The following HCN1 variants were observed in gnomAD, a reference collection of about 807,000 sequenced individuals.
The protein encoded by HCN1 is hyperpolarization activated cyclic nucleotide gated potassium channel 1, also known as potassium/sodium hyperpolarization-activated cyclic nucleotide-gated channel 1.
In HCN1, 13 loss-of-function variants were observed where a neutral mutation model predicts 78.9. That is an observed-to-expected ratio of 0.16 (90% CI 0.11 to 0.26). The LOEUF (loss-of-function observed/expected upper bound fraction) is 0.26. Ranked by LOEUF, HCN1 falls within the 10% of genes least tolerant of loss-of-function variation. HCN1 has a pLI of 1.00. For synonymous variants in HCN1, 552 were observed against 455.5 expected (o/e 1.21, Z -2.70); for missense variants, 810 against 1,154.3 (o/e 0.70, Z 4.32).
chr5:45,372,698 T>C (rs1157343422), intron 4 of HCN1, among the ~76,000 whole-genome samples: 1 of 142,360 alleles, frequency 7.0e-6, no homozygotes, highest in East Asian at 2.1e-4. Context: ...TATAAAAATA[T>C]ATACGTATTT....
At chr5:45,681,019 C>T (rs972164936) in intron 1 of HCN1, among the ~76,000 whole-genome samples, 1 of 152,048 alleles carries the variant, frequency 6.6e-6, no homozygotes, top group Non-Finnish European at 1.5e-5. Context: ...TTTTTCCAGG[C>T]TCTTCAGATA....
At chr5:45,545,602 T>C (rs921633051) in intron 2 of HCN1, among the ~76,000 whole-genome samples, 14 of 152,200 alleles carry the variant, frequency 9.2e-5, no homozygotes, top group Non-Finnish European at 1.8e-4. Flanking sequence ...AAATCTTTAA[T>C]CCATCTTGAA....
At chr5:45,427,388 T>G (rs968204214) in intron 3 of HCN1, among the ~76,000 whole-genome samples, 1 of 152,144 alleles carries the variant, frequency 6.6e-6, no homozygotes, top group African/African-American at 2.4e-5. Context: ...AGGTTTTAGT[T>G]TTTAGGTTTT....
intron 2 of HCN1, among the ~76,000 whole-genome samples, chr5:45,553,197 T>G (rs1407896677): frequency 1.3e-5 from 2 of 151,896 alleles, no homozygotes; most frequent in Non-Finnish European, 2.9e-5. Flanking sequence ...GAACGGTGAC[T>G]GGGGTGGACG....
Position 45,652,790 on chromosome 5 carries a change from A to G in HCN1, c.426-7182T>C, listed in dbSNP as rs181991842. 5.2e-3 allele frequency among the ~76,000 whole-genome samples: 788 copies of G among 152,034 alleles called. 9 individuals are homozygous for G. The highest frequency in any genetic ancestry group is 0.017 in the African/African-American group (702 of 41,504). ...TTTTTCTTTCATCCATCCACTATGC[A>G]TAAAACTTTAGAAATGTCCCTGACT... On this transcript the variant is annotated intron_variant, in intron 1 of 7. Coordinates refer to ENST00000303230, the MANE Select transcript of HCN1 (RefSeq NM_021072.4).
At chr5:45,306,970 G>A (rs1004197222) in intron 5 of HCN1, among the ~76,000 whole-genome samples, 12 of 151,942 alleles carry the variant, frequency 7.9e-5, no homozygotes, top group African/African-American at 2.9e-4. Flanking sequence ...ACATTTTGTA[G>A]TACAAGAAAG....
intron 2 of HCN1, among the ~76,000 whole-genome samples, chr5:45,526,170 A>C (rs904908764): frequency 2.6e-5 from 4 of 152,138 alleles, no homozygotes; most frequent in African/African-American, 4.8e-5. Context: ...TGACTAAGAC[A>C]TGTCGGCTAA....
At chr5:45,333,117 G>C (rs527920940) in intron 5 of HCN1, among the ~76,000 whole-genome samples, 1 of 151,730 alleles carries the variant, frequency 6.6e-6, no homozygotes, top group Non-Finnish European at 1.5e-5. Context: ...CAGTGTACAA[G>C]GGTTCCCTTT....
At position 45,262,825 on chromosome 5, in the gene HCN1, A is replaced by C; in HGVS notation, c.1784-15T>G. The C allele has an allele frequency of 6.2e-7, 1 of 1,612,980 alleles. No individual in the cohort carries two copies. Among genetic ancestry groups the C allele is most frequent in the Non-Finnish European group, 8.5e-7 (1 of 1,179,980 alleles). On this transcript the variant is annotated splice_polypyrimidine_tract_variant and intron_variant, in intron 7 of 7. Transcript: ENST00000303230. Reference sequence around the variant, plus strand: ...ATTTTTCTTTCCTGTCAGCAAAAGAAAGATAGGCACTTAGAAAGCCTACCA... The same window carrying C: ...ATTTTTCTTTCCTGTCAGCAAAAGACAGATAGGCACTTAGAAAGCCTACCA...
At chr5:45,341,673 C>A (rs1400676069) in intron 5 of HCN1, among the ~76,000 whole-genome samples, 1 of 152,132 alleles carries the variant, frequency 6.6e-6, no homozygotes, top group Non-Finnish European at 1.5e-5. Context: ...GGGAGGATCA[C>A]TTGAGCCTGG....
chr5:45,564,266 T>TTC (rs1444423101), intron 2 of HCN1, among the ~76,000 whole-genome samples: 1 of 147,208 alleles, frequency 6.8e-6, no homozygotes, highest in East Asian at 2.0e-4. Context: ...TTAGGAAGCT[T>TTC]TTTTTTTTTT....
At chr5:45,590,467 A>T (rs1460299008) in intron 2 of HCN1, among the ~76,000 whole-genome samples, 1 of 152,202 alleles carries the variant, frequency 6.6e-6, no homozygotes, top group Non-Finnish European at 1.5e-5. Context: ...TGGCTTTGGT[A>T]TAGTTACAGT....
intron 5 of HCN1, among the ~76,000 whole-genome samples, chr5:45,332,628 T>A (rs893985426): frequency 6.6e-6 from 1 of 151,308 alleles, no homozygotes; most frequent in Non-Finnish European, 1.5e-5. Flanking sequence ...CACCTCCCCA[T>A]TACCCTCCCA....
At chr5:45,325,619 A>T (rs750027239) in intron 5 of HCN1, among the ~76,000 whole-genome samples, 8 of 151,676 alleles carry the variant, frequency 5.3e-5, no homozygotes, top group Non-Finnish European at 1.0e-4. Context: ...TTTCCAATGG[A>T]CTTATATTAA....
chr5:45,540,880 T>C (rs2111827278), intron 2 of HCN1, among the ~76,000 whole-genome samples: 1 of 152,274 alleles, frequency 6.6e-6, no homozygotes, highest in Admixed American at 6.5e-5. Flanking sequence ...GCATTTTCAA[T>C]CGCATGTTCT....
At chr5:45,271,018 G>C (rs748003570) in intron 6 of HCN1, among the ~76,000 whole-genome samples, 5 of 151,920 alleles carry the variant, frequency 3.3e-5, no homozygotes, top group Non-Finnish European at 7.4e-5. Flanking sequence ...AGTAATCATG[G>C]CTTGAATCAG....
At chr5:45,412,986 T>C (rs1053750629) in intron 3 of HCN1, among the ~76,000 whole-genome samples, 31 of 152,088 alleles carry the variant, frequency 2.0e-4, no homozygotes, top group African/African-American at 7.5e-4. Flanking sequence ...GGCTTGCCTT[T>C]GCCACCTATT....
In HCN1 at chr5:45,434,042, T is replaced by G. The variant is rs76388430; in HGVS notation, c.1011+27804A>C. ...GAGTGGTGTCCCAGTGTCAGAGAAA[T>G]ACTGAGGTTAATTCCTCACTCCCCC... On this transcript the variant is annotated intron_variant, in intron 3 of 7. Transcript: ENST00000303230. Among the ~76,000 whole-genome samples the G allele has an allele frequency of 2.9e-4, 44 of 152,298 alleles. No homozygotes were observed. In the East Asian group the frequency reaches 8.1e-3, roughly 28 times the overall value.
intron 2 of HCN1, among the ~76,000 whole-genome samples, chr5:45,496,216 G>T (rs1742025349): frequency 6.6e-6 from 1 of 152,072 alleles, no homozygotes; most frequent in African/African-American, 2.4e-5. Flanking sequence ...ATTTGGCTGT[G>T]AATCCATCTG....
Sources: gnomAD v4.1 joint callset for allele counts (sites outside exome capture counted in the v4.1 genomes callset) on GRCh38, gnomAD v4.1.1 for gene constraint, MANE v1.5 for transcripts, NCBI Gene and HGNC (gene_info 2026-07-23, HGNC 2026-07-21) for gene names.